LINC00632: variants seen among roughly 807,000 people sequenced by gnomAD.
The protein encoded by LINC00632 is ALDOA related specific transcript.
intron 3 of LINC00632, among the ~76,000 whole-genome samples, chrX:140,769,153 G>A (rs1931748605): frequency 9.0e-6 from 1 of 111,506 alleles, no homozygotes; most frequent in South Asian, 3.7e-4. Flanking sequence ...GGTCAGTTCA[G>A]AAGGCTTATT....
At chrX:140,765,318 C>T (rs1931670182) in intron 3 of LINC00632, among the ~76,000 whole-genome samples, 1 of 111,278 alleles carries the variant, frequency 9.0e-6, no homozygotes, top group Non-Finnish European at 1.9e-5. Flanking sequence ...CTGGGGTCAA[C>T]GTGGATTTTG....
intron 3 of LINC00632, among the ~76,000 whole-genome samples, chrX:140,762,486 C>T (rs1931617745): frequency 1.8e-5 from 2 of 112,176 alleles, no homozygotes; most frequent in Admixed American, 9.5e-5. Context: ...GATAGCTAAA[C>T]AAATAATTTA....
At chrX:140,749,410 T>A (rs1931377639) in intron 3 of LINC00632, among the ~76,000 whole-genome samples, 1 of 111,676 alleles carries the variant, frequency 9.0e-6, no homozygotes, top group African/African-American at 3.2e-5. Flanking sequence ...AATCTTGAAG[T>A]TAAACTAATT....
chrX:140,729,417 G>A (rs183650567), intron 2 of LINC00632, among the ~76,000 whole-genome samples: 26 of 110,697 alleles, frequency 2.3e-4, no homozygotes, highest in African/African-American at 8.2e-4. Flanking sequence ...TTCCTGTAAC[G>A]CAGAGACACA....
chrX:140,750,542 C>T (rs750440274), intron 3 of LINC00632, among the ~76,000 whole-genome samples: 1 of 110,734 alleles, frequency 9.0e-6, no homozygotes, highest in Admixed American at 9.6e-5. Context: ...TTCAATAAAG[C>T]ATCATATACA....
chrX:140,778,654 T>G (rs1210254669), exon 5 of LINC00632, among the ~76,000 whole-genome samples: 1 of 110,747 alleles, frequency 9.0e-6, no homozygotes, highest in East Asian at 2.8e-4. Context: ...TTGATAATTT[T>G]ACCATTTACT....
At chrX:140,773,191 A>AAAGAG (rs762021795) in exon 4 of LINC00632, among the ~76,000 whole-genome samples, 1,784 of 106,632 alleles carry the variant, frequency 0.017, 38 homozygotes, top group African/African-American at 0.062. Context: ...AGAGAAGAGA[A>AAAGAG]AAGAGAAGAG....
chrX:140,771,782 T>C (rs1339157269), intron 3 of LINC00632, among the ~76,000 whole-genome samples: 8 of 104,371 alleles, frequency 7.7e-5, no homozygotes, highest in African/African-American at 2.8e-4. Flanking sequence ...TGGGTTCAAG[T>C]GATTCTCCTG....
At chrX:140,763,911 ATAAAGGAATTGAG>A (rs1453623969) in intron 3 of LINC00632, among the ~76,000 whole-genome samples, 1 of 111,563 alleles carries the variant, frequency 9.0e-6, no homozygotes, top group Non-Finnish European at 1.9e-5. Flanking sequence ...TTGAGGTCTT[ATAAAGGAATTGAG>A]TAGGAACAGC....
chrX:140,733,372 A>G lies in LINC00632; in HGVS notation n.105-506A>G, dbSNP rs747709724. 2.2e-3 allele frequency among the ~76,000 whole-genome samples: 248 copies of G among 111,633 alleles called. 1 individual carries two copies. The highest frequency in any genetic ancestry group is 7.8e-3 in the African/African-American group (239 of 30,611). The stretch of plus-strand genomic sequence containing the variant: ...TGAAATGTCAAACTGTAATATTTAA[A>G]TGCATGTCTATTGAAGTTAAAAAAA... On this transcript the variant is annotated intron_variant and non_coding_transcript_variant, in intron 2 of 4. Coordinates refer to ENST00000648200, the Ensembl canonical transcript of LINC00632.
rs140956340 is a variant in LINC00632, at chrX:140,715,590, G to A, written n.104+3934G>A. On this transcript the variant is annotated intron_variant and non_coding_transcript_variant, in intron 2 of 4. Transcript: ENST00000648200. ...ACCTTGGGCAACAGAGTGAGACTTCGTCTAAAAAAAAAAGAAAGAAAGAAA... is the reference window on the plus strand; with the variant it reads ...ACCTTGGGCAACAGAGTGAGACTTCATCTAAAAAAAAAAGAAAGAAAGAAA... Among the ~76,000 whole-genome samples, 12 of 85,653 alleles carry A rather than the reference G, an allele frequency of 1.4e-4. No individual in the cohort carries two copies. The East Asian group carries it at 3.2e-3, about 23-fold the overall frequency. 74.4% of individuals were successfully genotyped at this position (85,653 alleles called of 115,157 possible). A position where few individuals can be genotyped will look rare whatever the true frequency, so the allele number is the denominator to read the frequency against.
chrX:140,784,196 C>A (rs1209118224), exon 5 of LINC00632: 1 of 1,209,290 alleles, frequency 8.3e-7, no homozygotes, highest in African/African-American at 1.8e-5. Flanking sequence ...TGTCTTCCAG[C>A]AAATCCACGT....
chrX:140,739,023 G>A (rs1931186187), intron 3 of LINC00632, among the ~76,000 whole-genome samples: 1 of 110,870 alleles, frequency 9.0e-6, no homozygotes, highest in East Asian at 2.8e-4. Context: ...ATTTTTAGTA[G>A]TAAGCAAGAA....
chrX:140,719,299 C>A (rs2148377763), intron 2 of LINC00632, among the ~76,000 whole-genome samples: 1 of 110,405 alleles, frequency 9.1e-6, no homozygotes, highest in South Asian at 4.0e-4. Context: ...TAAACAGTCA[C>A]TCCTTTTTTT....
chrX:140,784,312 T>TCTTCCAACAAAGGTAC (rs1569358030), exon 5 of LINC00632: 17 of 1,203,509 alleles, frequency 1.4e-5, no homozygotes, highest in African/African-American at 1.8e-5. Flanking sequence ...AACAAAGGTA[T>TCTTCCAACAAAGGTAC]GTCTTCCAAC....
At chrX:140,723,451 T>A (rs1194773435) in intron 2 of LINC00632, among the ~76,000 whole-genome samples, 4 of 934 alleles carry the variant, frequency 4.3e-3, no homozygotes, top group African/African-American at 0.011. Flanking sequence ...ACACACACAT[T>A]CCACACACAC....
exon 5 of LINC00632, among the ~76,000 whole-genome samples, chrX:140,776,119 T>C (rs1286518321): frequency 3.6e-5 from 4 of 111,417 alleles, no homozygotes; most frequent in African/African-American, 1.3e-4. Context: ...GCAAATGATA[T>C]GAACAGACAC....
chrX:140,728,842 C>T (rs1440905082), intron 2 of LINC00632, among the ~76,000 whole-genome samples: 3 of 111,439 alleles, frequency 2.7e-5, no homozygotes, highest in South Asian at 7.6e-4. Flanking sequence ...CTCCACAACA[C>T]TCAGACTCTC....
At chrX:140,714,059 C>T (rs901705767) in intron 2 of LINC00632, 1 of 229,336 alleles carries the variant, frequency 4.4e-6, no homozygotes, top group African/African-American at 2.9e-5. Flanking sequence ...AGACTCTCCC[C>T]AGGGCACACA....
Sources: gnomAD v4.1 joint callset for allele counts (sites outside exome capture counted in the v4.1 genomes callset) on GRCh38, gnomAD v4.1.1 for gene constraint, MANE v1.5 for transcripts, NCBI Gene and HGNC (gene_info 2026-07-23, HGNC 2026-07-21) for gene names.